Variants in CNTNAP2 observed in about 807,000 individuals in gnomAD.
CNTNAP2 encodes contactin associated protein 2.
A neutral mutation model predicts 155.2 loss-of-function variants in CNTNAP2; 98 were observed. The observed-to-expected ratio is 0.63, with a 90% CI of 0.54 to 0.75. The LOEUF (loss-of-function observed/expected upper bound fraction) is 0.75, where lower values mean the gene tolerates loss of function less well. Among genes scored for constraint, CNTNAP2 ranks in the 30% least tolerant of loss-of-function variants. The pLI is 0.00. For synonymous variants in CNTNAP2, 651 were observed against 631.2 expected (o/e 1.03, Z -0.47); for missense variants, 1,727 against 1,688.1 (o/e 1.02, Z -0.40).
intron 11 of CNTNAP2, among the ~76,000 whole-genome samples, chr7:147,526,132 A>C (rs1799313996): frequency 6.6e-6 from 1 of 150,878 alleles, no homozygotes; most frequent in Admixed American, 6.6e-5. Flanking sequence ...GAGGAGGTTG[A>C]AGTGAGCCGA....
chr7:146,362,274 A>G (rs1202836196), intron 1 of CNTNAP2, among the ~76,000 whole-genome samples: 1 of 152,224 alleles, frequency 6.6e-6, no homozygotes, highest in East Asian at 1.9e-4. Context: ...TGAGCTTTAC[A>G]TTCTAACGAG....
chr7:147,622,914 T>C (rs10263715), intron 12 of CNTNAP2, among the ~76,000 whole-genome samples: 13,696 of 151,814 alleles, frequency 0.09, 1,711 homozygotes, highest in African/African-American at 0.26. Context: ...TAAATAAAAT[T>C]GGAGATGAAA....
chr7:148,182,707 T>C (rs778384322), intron 18 of CNTNAP2, among the ~76,000 whole-genome samples: 1 of 152,234 alleles, frequency 6.6e-6, no homozygotes, highest in Non-Finnish European at 1.5e-5. Context: ...TATTTTTCTG[T>C]TTAAAACCAA....
intron 3 of CNTNAP2, among the ~76,000 whole-genome samples, chr7:146,896,993 C>T (rs577106895): frequency 3.5e-4 from 54 of 152,122 alleles, no homozygotes; most frequent in African/African-American, 1.3e-3. Context: ...AAATTTCATA[C>T]AAAACTGAAT....
intron 13 of CNTNAP2, among the ~76,000 whole-genome samples, chr7:147,823,101 T>G (rs1377159410): frequency 6.6e-6 from 1 of 152,192 alleles, no homozygotes. Flanking sequence ...TGTGTTTAAC[T>G]ATATGGAAAA....
intron 10 of CNTNAP2, among the ~76,000 whole-genome samples, chr7:147,407,577 G>C (rs945063140): frequency 6.7e-6 from 1 of 149,976 alleles, no homozygotes; most frequent in Non-Finnish European, 1.5e-5. Flanking sequence ...TCCTATGAAG[G>C]TCAAGGCCAC....
chr7:147,074,169 T>G (rs1799951835), intron 4 of CNTNAP2, among the ~76,000 whole-genome samples: 1 of 152,114 alleles, frequency 6.6e-6, no homozygotes, highest in Non-Finnish European at 1.5e-5. Flanking sequence ...CCAACGTGTT[T>G]CCCTGATAAT....
intron 15 of CNTNAP2, among the ~76,000 whole-genome samples, chr7:148,059,474 C>G (rs1803089317): frequency 6.6e-6 from 1 of 151,562 alleles, no homozygotes; most frequent in Non-Finnish European, 1.5e-5. Flanking sequence ...GCCTGTAATC[C>G]CAGCTACTCT....
At chr7:146,207,956 T>C (rs1798973300) in intron 1 of CNTNAP2, among the ~76,000 whole-genome samples, 1 of 152,008 alleles carries the variant, frequency 6.6e-6, no homozygotes, top group Non-Finnish European at 1.5e-5. Flanking sequence ...TTTAGTATAT[T>C]TCCTGCCAGA....
At chr7:146,859,011 G>A (rs976611993) in intron 3 of CNTNAP2, among the ~76,000 whole-genome samples, 15 of 152,152 alleles carry the variant, frequency 9.9e-5, no homozygotes, top group Non-Finnish European at 1.5e-4. Flanking sequence ...ACTTTCATAA[G>A]AAAGGCCCAA....
chr7:148,161,642 A>G (rs1805544227), intron 17 of CNTNAP2, among the ~76,000 whole-genome samples: 1 of 152,058 alleles, frequency 6.6e-6, no homozygotes, highest in Admixed American at 6.5e-5. Context: ...TGGTGTATCT[A>G]TACCACTAAA....
Position 146,960,478 on chromosome 7 carries a change from C to T in CNTNAP2, c.403-83429C>T, listed in dbSNP as rs1322966857. Among the ~76,000 whole-genome samples the T allele has an allele frequency of 3.3e-5, 5 of 152,172 alleles. No individual in the cohort carries two copies. The East Asian group carries it at 5.8e-4, about 18-fold the overall frequency. On this transcript the variant is annotated intron_variant, in intron 3 of 23. Transcript: ENST00000361727. ...CTATGACCTGCAGTTTTTCTTTTTA[C>T]GGAGTTCATAGTGGTCATTTGAAAT...
chr7:147,793,840 C>T (rs550839389), intron 13 of CNTNAP2, among the ~76,000 whole-genome samples: 2 of 152,092 alleles, frequency 1.3e-5, no homozygotes, highest in South Asian at 4.1e-4. Flanking sequence ...TGCTTTCTTT[C>T]AACAATGTTT....
chr7:146,912,445 A>T (rs921203320), intron 3 of CNTNAP2, among the ~76,000 whole-genome samples: 1 of 152,138 alleles, frequency 6.6e-6, no homozygotes, highest in African/African-American at 2.4e-5. Flanking sequence ...AGATAAATAC[A>T]ATTTTGTGGG....
chr7:147,543,853 A>G (rs1021541639), intron 11 of CNTNAP2, among the ~76,000 whole-genome samples: 2 of 152,192 alleles, frequency 1.3e-5, no homozygotes, highest in African/African-American at 4.8e-5. Context: ...TATAATGGAA[A>G]CTAATTTCAG....
chr7:146,965,960 C>A (rs1417624392), intron 3 of CNTNAP2, among the ~76,000 whole-genome samples: 1 of 152,136 alleles, frequency 6.6e-6, no homozygotes, highest in Non-Finnish European at 1.5e-5. Flanking sequence ...CAGAGGTAAC[C>A]CTTGGCATCA....
At chr7:146,352,316 G>C (rs889957281) in intron 1 of CNTNAP2, among the ~76,000 whole-genome samples, 4 of 151,964 alleles carry the variant, frequency 2.6e-5, no homozygotes, top group African/African-American at 9.7e-5. Context: ...CTTTCTTTTA[G>C]AATAGTCTTA....
At chr7:148,267,175 G>A in intron 21 of CNTNAP2, 49 bp downstream of exon 21, 10 of 1,483,244 alleles carry the variant, frequency 6.7e-6, no homozygotes, top group South Asian at 1.1e-5. Context: ...AATACATTTG[G>A]GTAATGTGAG....
intron 1 of CNTNAP2, among the ~76,000 whole-genome samples, chr7:146,147,498 GC>G (rs1039373192): frequency 8.5e-5 from 13 of 152,210 alleles, no homozygotes; most frequent in African/African-American, 3.1e-4. Flanking sequence ...TAAAATAATG[GC>G]TTTCGTAATG....
Sources: gnomAD v4.1 joint callset for allele counts (sites outside exome capture counted in the v4.1 genomes callset) on GRCh38, gnomAD v4.1.1 for gene constraint, MANE v1.5 for transcripts, NCBI Gene and HGNC (gene_info 2026-07-23, HGNC 2026-07-21) for gene names.